The following PGAP4 variants were observed in gnomAD, a reference collection of about 807,000 sequenced individuals.
The protein encoded by PGAP4 is post-GPI attachment to proteins GalNAc transferase 4.
Under a neutral mutation model 28.2 loss-of-function variants are expected in PGAP4, and 12 were observed. That is an observed-to-expected ratio of 0.42 (90% CI 0.27 to 0.69). The LOEUF (loss-of-function observed/expected upper bound fraction) is 0.69. Among genes scored for constraint, PGAP4 ranks in the 30% least tolerant of loss-of-function variants. PGAP4 has a pLI of 0.22. For missense variants in PGAP4, 425 were observed against 513.5 expected (o/e 0.83, Z 1.67); for synonymous variants, 205 against 211.8 (o/e 0.97, Z 0.28).
intron 1 of PGAP4, among the ~76,000 whole-genome samples, chr9:101,482,634 T>G (rs539115533): frequency 1.1e-4 from 16 of 152,200 alleles, no homozygotes; most frequent in Non-Finnish European, 2.4e-4. Flanking sequence ...GCCAAGATTC[T>G]TCACAATCCA....
intron 2 of PGAP4, among the ~76,000 whole-genome samples, chr9:101,516,774 C>T (rs1826947745): frequency 6.6e-6 from 1 of 152,128 alleles, no homozygotes; most frequent in Non-Finnish European, 1.5e-5. Flanking sequence ...TTTTGCAATT[C>T]ATCTTTGTTA....
chr9:101,501,796 A>G (rs1168092295), intron 2 of PGAP4: 9 of 517,128 alleles, frequency 1.7e-5, no homozygotes, highest in Non-Finnish European at 3.1e-5. Context: ...GACACAAGAG[A>G]TACAGTGCTG....
At chr9:101,507,416 G>T (rs1476366260) in intron 2 of PGAP4, among the ~76,000 whole-genome samples, 2 of 152,062 alleles carry the variant, frequency 1.3e-5, no homozygotes, top group Admixed American at 1.3e-4. Context: ...TCCAAGATTT[G>T]CCCAGACCTG....
intron 2 of PGAP4, among the ~76,000 whole-genome samples, chr9:101,512,165 C>T (rs1005943991): frequency 2.0e-5 from 3 of 152,100 alleles, no homozygotes; most frequent in Non-Finnish European, 2.9e-5. Flanking sequence ...GATTGAGCTC[C>T]TCTGCTAGAC....
At chr9:101,525,691 G>A (rs1262995416) in intron 2 of PGAP4, among the ~76,000 whole-genome samples, 1 of 111,718 alleles carries the variant, frequency 9.0e-6, no homozygotes, top group Non-Finnish European at 1.7e-5. Flanking sequence ...CTCGGCAACA[G>A]AGCGTCTCAA....
chr9:101,503,202 A>G (rs905935971), intron 2 of PGAP4, among the ~76,000 whole-genome samples: 2 of 152,098 alleles, frequency 1.3e-5, no homozygotes, highest in African/African-American at 4.8e-5. Context: ...TCTTACAGCC[A>G]TCTTGGACTA....
chr9:101,476,816 C>T lies in PGAP4; in HGVS notation c.277G>A (p.Val93Ile). The part of the protein sequence containing the change: ...LPSANGSVPI[V>I]WQATPRPWLV... ...CAGGGCCGGGGGGTGGCCTGCCAGA[C>T]AATGGGCACTGAGCCATTGGCAGAG... Residue 93 changes from valine to isoleucine, a missense_variant, in exon 2 of 2, where the codon GTC (valine) becomes ATC (isoleucine). Coordinates refer to ENST00000374848, the MANE Select transcript of PGAP4 (RefSeq NM_032342.3). This position sits in a 1 kb window ranked among gnomAD's most constrained non-coding sequence, Gnocchi z 7.0. 1 of 1,610,454 alleles carries T rather than the reference C, an allele frequency of 6.2e-7. No individual in the cohort carries two copies.
At chr9:101,493,384 T>C (rs546635723) in intron 2 of PGAP4, among the ~76,000 whole-genome samples, 1 of 152,190 alleles carries the variant, frequency 6.6e-6, no homozygotes, top group South Asian at 2.1e-4. Flanking sequence ...CACAGGTGAG[T>C]AGTTTAGCAG....
intron 2 of PGAP4, among the ~76,000 whole-genome samples, chr9:101,513,220 A>G (rs555683987): frequency 1.3e-5 from 2 of 152,274 alleles, no homozygotes; most frequent in Non-Finnish European, 2.9e-5. Flanking sequence ...ATTGTCCGCA[A>G]TGAAGTATCT....
intron 2 of PGAP4, among the ~76,000 whole-genome samples, chr9:101,521,154 A>G (rs1189419428): frequency 6.6e-6 from 1 of 152,188 alleles, no homozygotes; most frequent in Non-Finnish European, 1.5e-5. Context: ...GTCTGTATTC[A>G]TCAAGGATAT....
intron 2 of PGAP4, among the ~76,000 whole-genome samples, chr9:101,511,954 GTCTC>G (rs1428023983): frequency 6.6e-6 from 1 of 152,062 alleles, no homozygotes. Context: ...ATGCCAAATA[GTCTC>G]TCTCCAGCCA....
upstream of PGAP4, among the ~76,000 whole-genome samples, chr9:101,491,416 G>T (rs1394590160): frequency 6.6e-6 from 1 of 151,952 alleles, no homozygotes; most frequent in African/African-American, 2.4e-5. Context: ...TAACATGAAC[G>T]GTAGCAAAAT....
intron 2 of PGAP4, among the ~76,000 whole-genome samples, chr9:101,519,366 C>T (rs1175949911): frequency 6.6e-6 from 1 of 152,052 alleles, no homozygotes; most frequent in Non-Finnish European, 1.5e-5. Flanking sequence ...ACTGTGTTGC[C>T]CAGGCTGGTC....
rs1826240447 is a variant in PGAP4, at chr9:101,474,547, T to G, written c.*1334A>C. The G allele has an allele frequency of 6.6e-6, 1 of 152,228 alleles. No homozygotes were observed. The highest frequency in any genetic ancestry group is 1.5e-5 in the Non-Finnish European group (1 of 68,040). 9.4% of individuals were successfully genotyped at this position (152,228 alleles called of 1,614,324 possible). On this transcript the variant is annotated 3_prime_UTR_variant, in exon 2 of 2. Transcript: ENST00000374848. Reference sequence around the variant, plus strand: ...CAGTTTGAATGAACAATTCTTCTTTTTGGCTTGGGTGAACGTGGGGATAGG... The same window carrying G: ...CAGTTTGAATGAACAATTCTTCTTTGTGGCTTGGGTGAACGTGGGGATAGG...
At chr9:101,521,092 T>C (rs1276099885) in intron 2 of PGAP4, among the ~76,000 whole-genome samples, 1 of 152,228 alleles carries the variant, frequency 6.6e-6, no homozygotes, top group Non-Finnish European at 1.5e-5. Context: ...TGGATTATCT[T>C]TTTGATACGT....
At chr9:101,496,901 A>C (rs996571604) in intron 2 of PGAP4, among the ~76,000 whole-genome samples, 4 of 150,528 alleles carry the variant, frequency 2.7e-5, no homozygotes, top group Non-Finnish European at 5.9e-5. Flanking sequence ...AAATTAGACA[A>C]AATTATTTTT....
At chr9:101,511,519 T>C (rs185047811) in intron 2 of PGAP4, among the ~76,000 whole-genome samples, 88 of 152,300 alleles carry the variant, frequency 5.8e-4, no homozygotes, top group African/African-American at 2.1e-3. Flanking sequence ...GCTATTTTAA[T>C]TTCTTTTCCT....
chr9:101,497,548 A>C (rs1564098239), intron 2 of PGAP4, among the ~76,000 whole-genome samples: 1 of 151,614 alleles, frequency 6.6e-6, no homozygotes, highest in African/African-American at 2.4e-5. Flanking sequence ...CTGACACCTT[A>C]ATATATATAA....
intron 2 of PGAP4, among the ~76,000 whole-genome samples, chr9:101,510,763 G>A (rs559476910): frequency 8.5e-5 from 13 of 152,138 alleles, no homozygotes; most frequent in African/African-American, 2.9e-4. Context: ...AAAGAGTCAC[G>A]GACAGCAGTG....
Sources: allele counts gnomAD v4.1 joint callset (sites outside exome capture counted in the v4.1 genomes callset), GRCh38; gene constraint gnomAD v4.1.1; non-coding constraint Gnocchi (gnomAD v3.1); transcripts MANE v1.5; gene names NCBI Gene and HGNC (gene_info 2026-07-23, HGNC 2026-07-21).